MRPS33: variants seen among roughly 807,000 people sequenced by gnomAD.
MRPS33 encodes the protein mitochondrial ribosomal protein S33, also known as small ribosomal subunit protein mS33.
In MRPS33, 11 loss-of-function variants were observed where a neutral mutation model predicts 11.2. That is an observed-to-expected ratio of 0.99 (90% CI 0.62 to 1.63). The LOEUF (loss-of-function observed/expected upper bound fraction) is 1.63. Ranked by LOEUF, MRPS33 falls within the 40% of genes most tolerant of loss-of-function variation. MRPS33 has a pLI of 0.00. For synonymous variants in MRPS33, 46 were observed against 44.0 expected (o/e 1.05, Z -0.18); for missense variants, 109 against 127.8 (o/e 0.85, Z 0.71).
rs751172394 is a variant in MRPS33 at position 141,010,453 on chromosome 7, G to A, written c.181C>T (p.Leu61Phe). The A allele has an allele frequency of 6.2e-7, 1 of 1,614,154 alleles. No homozygotes were observed. The highest frequency in any genetic ancestry group is 8.5e-7 in the Non-Finnish European group (1 of 1,180,022). The change falls in exon 2 of 3, where the codon CTC becomes TTC. Residue 61 changes from leucine (L) to phenylalanine (F), a missense_variant. Physicochemically the swap from Leu to Phe is conservative, Grantham distance 22. Coordinates refer to ENST00000324787, the MANE Select transcript of MRPS33 (RefSeq NM_053035.3). The stretch of plus-strand genomic sequence containing the variant: ...CCAAGAAATCGGAGCGTCTGCATGA[G>A]TTCAGCGTAAGTGTGGTGATTTGGA... ...WYPNHHTYAE[L>F]MQTLRFLGLY...
rs941702163 is a variant in MRPS33, at chr7:141,006,498, G to T, written c.253C>A (p.Leu85Ile). The T allele has an allele frequency of 6.2e-7, 1 of 1,613,762 alleles. No individual in the cohort carries two copies. The highest frequency in any genetic ancestry group is 1.7e-5 in the Admixed American group (1 of 60,002). The change falls in exon 3 of 3, where the codon CTA becomes ATA. Residue 85 changes from leucine (L) to isoleucine (I), a missense_variant. Physicochemically the swap from Leu to Ile is conservative, Grantham distance 5. Transcript: ENST00000324787. ...HQDFMDEQKR[L>I]KKLRGKEKPK... ...TTCTCCTTTCCACGAAGCTTCTTTA[G>T]TCGTTTTTGCTCATCCATAAAATCC...
Position 141,004,310 on chromosome 7 carries a change from G to A in MRPS33, c.*2120C>T, listed in dbSNP as rs953758092. ...GACTCCGTCTCAAACAAAAAAAAAG[G>A]TCTAAATGAATGAATTCTCCTTTTG... is the stretch of plus-strand genomic sequence containing the variant. On this transcript the variant is annotated 3_prime_UTR_variant, in exon 3 of 3. Coordinates refer to ENST00000324787, the MANE Select transcript of MRPS33 (RefSeq NM_053035.3). 6.6e-6 allele frequency: 1 copy of A among 152,138 alleles called. No individual in the cohort carries two copies. Among genetic ancestry groups the A allele is most frequent in the Non-Finnish European group, 1.5e-5 (1 of 68,014 alleles). The allele number at this position is 152,138 out of a possible 1,614,324, so 9.4% of individuals were successfully genotyped here. A position where few individuals can be genotyped will look rare whatever the true frequency, so the allele number is the denominator to read the frequency against.
At chr7:141,011,232 CTGAG>C (rs1820667434) in intron 1 of MRPS33, among the ~76,000 whole-genome samples, 1 of 152,140 alleles carries the variant, frequency 6.6e-6, no homozygotes, top group African/African-American at 2.4e-5. Context: ...TGCCTAGAGA[CTGAG>C]AGCCATTTGG....
chr7:141,003,093 G>C lies in MRPS33; in HGVS notation c.*3337C>G, dbSNP rs906215528. On this transcript the variant is annotated 3_prime_UTR_variant, in exon 3 of 3. Coordinates refer to ENST00000324787, the MANE Select transcript of MRPS33 (RefSeq NM_053035.3). ...ACTGTATCACAAACCCATGACTTTTGAATCTAAAACCCAGTCTTTTTACTA... is the reference window on the plus strand; with the variant it reads ...ACTGTATCACAAACCCATGACTTTTCAATCTAAAACCCAGTCTTTTTACTA... 2.0e-5 allele frequency: 3 copies of C among 152,164 alleles called. No homozygotes were observed. The highest frequency in any genetic ancestry group is 7.2e-5 in the African/African-American group (3 of 41,414). The allele number at this position is 152,164 out of a possible 1,614,324, so 9.4% of individuals were successfully genotyped here. A position where few individuals can be genotyped will look rare whatever the true frequency, so the allele number is the denominator to read the frequency against.
chr7:141,012,200 G>C (rs546522808), intron 1 of MRPS33, among the ~76,000 whole-genome samples: 1 of 35,902 alleles, frequency 2.8e-5, no homozygotes, highest in African/African-American at 1.0e-4. Context: ...AAAAAGCAGA[G>C]GCTGATCTCA....
rs1052099743 is a variant in MRPS33, at chr7:141,005,497, G to A, written c.*933C>T. ...GCATCCCGAGTAGCTGAGACTACAG[G>A]TGCATGCCACGACGCCCAGCTAATT... On this transcript the variant is annotated 3_prime_UTR_variant, in exon 3 of 3. Coordinates refer to ENST00000324787, the MANE Select transcript of MRPS33 (RefSeq NM_053035.3). 2 of 152,150 alleles carry A rather than the reference G, an allele frequency of 1.3e-5. No individual in the cohort carries two copies. Among genetic ancestry groups the A allele is most frequent in the African/African-American group, 2.4e-5 (1 of 41,378 alleles). The allele number at this position is 152,150 out of a possible 1,614,324, so 9.4% of individuals were successfully genotyped here.
At chr7:141,010,345 A>G (rs1350571324) in intron 2 of MRPS33, 74 bp downstream of exon 2, 9 of 1,445,460 alleles carry the variant, frequency 6.2e-6, no homozygotes, top group African/African-American at 1.4e-5. Context: ...CAAGGATAGA[A>G]AGGCTAATTT....
chr7:141,011,647 A>G (rs1217267690), intron 1 of MRPS33, among the ~76,000 whole-genome samples: 1 of 152,150 alleles, frequency 6.6e-6, no homozygotes, highest in African/African-American at 2.4e-5. Context: ...TTGCTGACTC[A>G]GAGACTATCC....
intron 1 of MRPS33, among the ~76,000 whole-genome samples, chr7:141,011,644 C>A (rs912505226): frequency 1.3e-5 from 2 of 152,038 alleles, no homozygotes; most frequent in Non-Finnish European, 2.9e-5. Flanking sequence ...TCTTTGCTGA[C>A]TCAGAGACTA....
chr7:141,004,242 G>C lies in MRPS33; in HGVS notation c.*2188C>G, dbSNP rs1820470902. On this transcript the variant is annotated 3_prime_UTR_variant, in exon 3 of 3. Coordinates refer to ENST00000324787, the MANE Select transcript of MRPS33 (RefSeq NM_053035.3). Reference sequence around the variant, plus strand: ...GTGAACCCGGGAGGTGGAGCTTGCAGTGAGCTGAGATTGCGCCACTGCACT... The same window carrying C: ...GTGAACCCGGGAGGTGGAGCTTGCACTGAGCTGAGATTGCGCCACTGCACT... 1 of 152,224 alleles carries C rather than the reference G, an allele frequency of 6.6e-6. No homozygotes were observed. Among genetic ancestry groups the C allele is most frequent in the Admixed American group, 6.5e-5 (1 of 15,286 alleles). 9.4% of individuals were successfully genotyped at this position (152,224 alleles called of 1,614,324 possible).
chr7:141,010,551 G>T lies in MRPS33; in HGVS notation c.83C>A (p.Ser28Tyr). 6.2e-7 allele frequency: 1 copy of T among 1,614,198 alleles called. No individual in the cohort carries two copies. Among genetic ancestry groups the T allele is most frequent in the Non-Finnish European group, 8.5e-7 (1 of 1,180,030 alleles). ...CAGTTTCACCACTTTCATAGACTTGGAATTAGTAGGCCTGGTGACTTCACC... is the reference window on the plus strand; with the variant it reads ...CAGTTTCACCACTTTCATAGACTTGTAATTAGTAGGCCTGGTGACTTCACC... ...LFGEVTRPTN[S>Y]KSMKVVKLFS... Residue 28 changes from serine (S) to tyrosine (Y), a missense_variant, in exon 2 of 3, where the codon TCC (serine) becomes TAC (tyrosine). Coordinates refer to ENST00000324787, the MANE Select transcript of MRPS33 (RefSeq NM_053035.3).
intron 2 of MRPS33, among the ~76,000 whole-genome samples, chr7:141,008,469 C>A (rs1286398987): frequency 6.6e-6 from 1 of 152,160 alleles, no homozygotes; most frequent in Non-Finnish European, 1.5e-5. Context: ...TAGATTGTAA[C>A]CTCTAATGTT....
At position 141,005,113 on chromosome 7, in the gene MRPS33, A is replaced by G. The variant is rs891022415; in HGVS notation, c.*1317T>C. ...ATAAAACCAGCAGCGAGCTACTCAA[A>G]TCTATACAACAGTCATCCCTCATAG... On this transcript the variant is annotated 3_prime_UTR_variant, in exon 3 of 3. Transcript: ENST00000324787. 2.6e-5 allele frequency: 4 copies of G among 152,170 alleles called. No homozygotes were observed. The highest frequency in any genetic ancestry group is 2.0e-4 in the Admixed American group (3 of 15,276). The allele number at this position is 152,170 out of a possible 1,614,324, so 9.4% of individuals were successfully genotyped here.
intron 2 of MRPS33, 187 bp downstream of exon 2, chr7:141,010,232 C>CT (rs368958612): frequency 0.04 from 17,964 of 453,326 alleles, 10 homozygotes; most frequent in South Asian, 0.048. Context: ...CATGAATTTC[C>CT]TTTTTTTTTT....
Position 141,003,922 on chromosome 7 carries a change from TCA to T in MRPS33, c.*2506_*2507del, listed in dbSNP as rs1216030612. 2 of 152,258 alleles carry T rather than the reference TCA, an allele frequency of 1.3e-5. No individual in the cohort carries two copies. Among genetic ancestry groups the T allele is most frequent in the African/African-American group, 2.4e-5 (1 of 41,470 alleles). 9.4% of individuals were successfully genotyped at this position (152,258 alleles called of 1,614,324 possible). ...TACTTTGTAATACACACATGCTCAT[TCA>T]CACAGTCTTAGGGACTAAGTCTATT... On this transcript the variant is annotated 3_prime_UTR_variant, in exon 3 of 3. Transcript: ENST00000324787.
chr7:141,013,310 G>C (rs1820724615), intron 1 of MRPS33, among the ~76,000 whole-genome samples: 1 of 152,170 alleles, frequency 6.6e-6, no homozygotes, highest in African/African-American at 2.4e-5. Flanking sequence ...CAAATTACTG[G>C]GATACATAAC....
intron 2 of MRPS33, 172 bp downstream of exon 2, chr7:141,010,246 TC>T: frequency 1.7e-6 from 1 of 594,154 alleles, no homozygotes; most frequent in African/African-American, 1.9e-5. Flanking sequence ...TTTTTTTTGG[TC>T]TCTCCATTAT....
In MRPS33 at chr7:141,003,935, G is replaced by C. The variant is rs6971577; in HGVS notation, c.*2495C>G. On this transcript the variant is annotated 3_prime_UTR_variant, in exon 3 of 3. Coordinates refer to ENST00000324787, the MANE Select transcript of MRPS33 (RefSeq NM_053035.3). ...ACACATGCTCATTCACACAGTCTTA[G>C]GGACTAAGTCTATTTGTCTCTGTAT... 112,015 of 152,236 alleles carry C rather than the reference G, an allele frequency of 0.74. 42,084 individuals are homozygous for C. Among genetic ancestry groups the C allele is most frequent in the East Asian group, 0.9 (4,674 of 5,184 alleles). 9.4% of individuals were successfully genotyped at this position (152,236 alleles called of 1,614,324 possible).
intron 2 of MRPS33, 106 bp from the exon 3 acceptor site, chr7:141,006,641 G>T: frequency 1.0e-6 from 1 of 956,762 alleles, no homozygotes; most frequent in Non-Finnish European, 1.6e-6. Context: ...ATCGATCTTT[G>T]ACTTTTACAA....
Sources: gnomAD v4.1 joint callset for allele counts (sites outside exome capture counted in the v4.1 genomes callset) on GRCh38, gnomAD v4.1.1 for gene constraint, MANE v1.5 for transcripts, NCBI Gene and HGNC (gene_info 2026-07-23, HGNC 2026-07-21) for gene names.